Variants in SPATA6 observed in about 807,000 individuals in gnomAD.
SPATA6 encodes spermatogenesis associated 6.
SPATA6 carries 56 observed loss-of-function variants against 65.3 expected under a neutral mutation model. The observed-to-expected ratio is 0.86, with a 90% CI of 0.69 to 1.07. The LOEUF is 1.07. SPATA6 is among the 50% of genes least tolerant of loss of function. The probability of loss-of-function intolerance (pLI) is 0.00; values close to 1 mark genes in which losing one functional copy is unlikely to be tolerated. For missense variants in SPATA6, 590 were observed against 594.8 expected (o/e 0.99, Z 0.08); for synonymous variants, 199 against 213.2 (o/e 0.93, Z 0.58).
chr1:48,346,543 T>C (rs918324324), intron 11 of SPATA6, among the ~76,000 whole-genome samples: 1 of 152,072 alleles, frequency 6.6e-6, no homozygotes, highest in Non-Finnish European at 1.5e-5. Context: ...TTGCAGATTA[T>C]ATGATCTTAT....
chr1:48,335,226 C>A (rs1418371835), intron 11 of SPATA6, among the ~76,000 whole-genome samples: 1 of 151,470 alleles, frequency 6.6e-6, no homozygotes, highest in Non-Finnish European at 1.5e-5. Flanking sequence ...TTTACAGATT[C>A]AATGCTATTC....
intron 10 of SPATA6, among the ~76,000 whole-genome samples, chr1:48,357,331 T>C (rs1005809898): frequency 1.6e-4 from 25 of 152,094 alleles, no homozygotes; most frequent in Admixed American, 5.2e-4. Context: ...CCATTTTATG[T>C]TGTGCTAACT....
intron 10 of SPATA6, among the ~76,000 whole-genome samples, chr1:48,358,443 G>C (rs1191577121): frequency 6.6e-6 from 1 of 151,588 alleles, no homozygotes; most frequent in African/African-American, 2.4e-5. Flanking sequence ...CATATCCAAG[G>C]AAATACAGAT....
chr1:48,301,755 G>A (rs894429582), intron 12 of SPATA6, among the ~76,000 whole-genome samples: 8 of 152,020 alleles, frequency 5.3e-5, no homozygotes, highest in Admixed American at 6.6e-5. Flanking sequence ...TTTTTACAAA[G>A]GCACCAAGCA....
At chr1:48,424,135 C>A (rs550110027) in intron 3 of SPATA6, among the ~76,000 whole-genome samples, 1 of 152,276 alleles carries the variant, frequency 6.6e-6, no homozygotes, top group East Asian at 1.9e-4. Flanking sequence ...ATTCCCACCT[C>A]CCCATAAACC....
At chr1:48,391,239 G>A (rs1035435354) in intron 8 of SPATA6, among the ~76,000 whole-genome samples, 2 of 151,294 alleles carry the variant, frequency 1.3e-5, no homozygotes, top group African/African-American at 2.4e-5. Flanking sequence ...TGGGCATGGT[G>A]GTGCATGCAT....
chr1:48,403,888 A>G lies in SPATA6; in HGVS notation c.406-6T>C, dbSNP rs1373623606. Reference sequence around the variant, plus strand: ...TCCAGCCTTGGAGCATTTCCCTGAGAAGAAAAAAGAGGGTATTATTACACA... The same window carrying G: ...TCCAGCCTTGGAGCATTTCCCTGAGGAGAAAAAAGAGGGTATTATTACACA... On this transcript the variant is annotated splice_region_variant and splice_polypyrimidine_tract_variant and intron_variant, in intron 5 of 12. Transcript: ENST00000371847. The G allele has an allele frequency of 1.3e-6, 2 of 1,598,574 alleles. No individual in the cohort carries two copies. Among genetic ancestry groups the G allele is most frequent in the Non-Finnish European group, 1.7e-6 (2 of 1,170,074 alleles).
intron 11 of SPATA6, among the ~76,000 whole-genome samples, chr1:48,309,771 ACT>A (rs922108087): frequency 5.3e-5 from 8 of 152,174 alleles, no homozygotes; most frequent in Non-Finnish European, 1.2e-4. Context: ...GTGGGTGATC[ACT>A]GATATCTCTA....
At chr1:48,336,517 A>G (rs1646065243) in intron 11 of SPATA6, among the ~76,000 whole-genome samples, 1 of 152,142 alleles carries the variant, frequency 6.6e-6, no homozygotes, top group African/African-American at 2.4e-5. Flanking sequence ...TCCTTAGCAA[A>G]GTAATGCAGG....
intron 9 of SPATA6, among the ~76,000 whole-genome samples, chr1:48,361,950 C>A (rs1339439208): frequency 1.3e-5 from 2 of 151,986 alleles, no homozygotes; most frequent in African/African-American, 4.8e-5. Context: ...GTTACAGTCC[C>A]CAATAACTGA....
chr1:48,262,470 C>G, the SPATA6 span: 2 of 152,092 alleles, frequency 1.3e-5, no homozygotes, highest in Non-Finnish European at 2.9e-5. Flanking sequence ...GATCATATAA[C>G]CTACCTTTGG....
rs1365094325 is a variant in SPATA6, at chr1:48,453,075, A to G, written c.108T>C (p.Cys36=). Residue 36 remains cysteine (C), a synonymous_variant, in exon 2 of 13, where the codon TGT becomes TGC. Transcript: ENST00000371847. The part of the protein sequence containing the change: ...KDKEDIYLSI[C]VFGQYKKTQC... ...GTGTCTTTTTGTATTGGCCAAACACACAGATGCTAAGATAGATGTCCTCTT... is the reference window on the plus strand; with the variant it reads ...GTGTCTTTTTGTATTGGCCAAACACGCAGATGCTAAGATAGATGTCCTCTT... 6.2e-7 allele frequency: 1 copy of G among 1,613,954 alleles called. No individual in the cohort carries two copies. The highest frequency in any genetic ancestry group is 1.3e-5 in the African/African-American group (1 of 74,930).
intron 11 of SPATA6, among the ~76,000 whole-genome samples, chr1:48,354,099 A>G (rs1431339632): frequency 6.6e-6 from 1 of 152,160 alleles, no homozygotes; most frequent in African/African-American, 2.4e-5. Flanking sequence ...CCCAATGGCC[A>G]ATAAGAATAT....
At chr1:48,420,743 G>A (rs548877569) in intron 3 of SPATA6, among the ~76,000 whole-genome samples, 4 of 152,148 alleles carry the variant, frequency 2.6e-5, no homozygotes, top group South Asian at 2.1e-4. Flanking sequence ...AGTAATAGAC[G>A]CTTATTAAGA....
chr1:48,308,667 A>C (rs1277181313), intron 11 of SPATA6, among the ~76,000 whole-genome samples: 1 of 152,056 alleles, frequency 6.6e-6, no homozygotes, highest in Non-Finnish European at 1.5e-5. Context: ...TTATTTGAGA[A>C]TGCTAATTTA....
At chr1:48,284,125 T>C in the SPATA6 span, among the ~76,000 whole-genome samples, 2 of 152,204 alleles carry the variant, frequency 1.3e-5, no homozygotes, top group Non-Finnish European at 2.9e-5. Context: ...GCTTTGTTCA[T>C]TCCTTTTCAT....
chr1:48,312,687 G>C, intron 11 of SPATA6, among the ~76,000 whole-genome samples: 1 of 152,182 alleles, frequency 6.6e-6, no homozygotes, highest in South Asian at 2.1e-4. Context: ...ACGGAACAAA[G>C]TGGGATGGAG....
chr1:48,363,212 A>C (rs908305297), intron 9 of SPATA6, among the ~76,000 whole-genome samples: 11 of 152,168 alleles, frequency 7.2e-5, no homozygotes, highest in Admixed American at 6.6e-4. Flanking sequence ...TTTGATAAGA[A>C]TCCATTTCAA....
At chr1:48,430,358 C>T (rs2148055453) in intron 3 of SPATA6, among the ~76,000 whole-genome samples, 1 of 152,142 alleles carries the variant, frequency 6.6e-6, no homozygotes, top group South Asian at 2.1e-4. Flanking sequence ...AAAAAACTAA[C>T]AAGAATTCTA....
Sources: allele counts gnomAD v4.1 joint callset (sites outside exome capture counted in the v4.1 genomes callset), GRCh38; gene constraint gnomAD v4.1.1; transcripts MANE v1.5; gene names NCBI Gene and HGNC (gene_info 2026-07-23, HGNC 2026-07-21).